The following HDAC9 variants were observed in gnomAD, a reference collection of about 807,000 sequenced individuals.
HDAC9 encodes MEF-2 interacting transcription repressor (MITR) protein.
HDAC9 carries 41 observed loss-of-function variants against 139.4 expected under a neutral mutation model. The ratio of observed to expected loss-of-function variants is 0.29; its 90% CI spans 0.23 to 0.38. The LOEUF (loss-of-function observed/expected upper bound fraction) is 0.38. HDAC9 is among the 10% of genes least tolerant of loss of function. The pLI is 1.00. For missense variants in HDAC9, 1,147 were observed against 1,297.0 expected (o/e 0.88, Z 1.78); for synonymous variants, 517 against 476.2 (o/e 1.09, Z -1.12).
intron 1 of HDAC9, among the ~76,000 whole-genome samples, chr7:18,487,762 C>G (rs557096960): frequency 6.6e-6 from 1 of 152,148 alleles, no homozygotes; most frequent in Admixed American, 6.6e-5. Context: ...TTTTCAGAGG[C>G]TAGCTTTCTA....
intron 1 of HDAC9, among the ~76,000 whole-genome samples, chr7:18,375,341 A>T (rs1198347414): frequency 6.6e-6 from 1 of 152,050 alleles, no homozygotes; most frequent in Non-Finnish European, 1.5e-5. Flanking sequence ...ATGGTGGCAC[A>T]TGCTTGTAAT....
chr7:18,458,196 A>G (rs938629611), intron 1 of HDAC9, among the ~76,000 whole-genome samples: 1 of 152,192 alleles, frequency 6.6e-6, no homozygotes, highest in Non-Finnish European at 1.5e-5. Flanking sequence ...TGGTAATTAA[A>G]TCGTGGATGG....
intron 2 of HDAC9, among the ~76,000 whole-genome samples, chr7:18,203,136 T>G (rs765791137): frequency 1.3e-5 from 2 of 152,152 alleles, no homozygotes; most frequent in Non-Finnish European, 2.9e-5. Context: ...TTAGGAAAAA[T>G]AGACTAAAAA....
chr7:18,328,198 G>C (rs553263667), intron 1 of HDAC9, among the ~76,000 whole-genome samples: 7 of 152,056 alleles, frequency 4.6e-5, no homozygotes, highest in African/African-American at 1.7e-4. Flanking sequence ...TAATCTAAGG[G>C]TGATCACAGG....
chr7:18,434,328 C>A (rs111226743), intron 1 of HDAC9, among the ~76,000 whole-genome samples: 1,885 of 152,330 alleles, frequency 0.012, 37 homozygotes, highest in African/African-American at 0.043. Flanking sequence ...AAATACCATT[C>A]TGGGCATAGG....
chr7:18,548,531 T>A (rs1815984652), intron 2 of HDAC9, among the ~76,000 whole-genome samples: 1 of 152,222 alleles, frequency 6.6e-6, no homozygotes. Flanking sequence ...GTATCTGGTA[T>A]GTAATTAGCT....
chr7:18,563,551 G>T (rs1274851289), intron 2 of HDAC9, among the ~76,000 whole-genome samples: 1 of 151,924 alleles, frequency 6.6e-6, no homozygotes, highest in Non-Finnish European at 1.5e-5. Flanking sequence ...TCCTGTTTCT[G>T]TGATTACACA....
chr7:18,887,876 C>A (rs540602853), intron 22 of HDAC9, among the ~76,000 whole-genome samples: 1 of 152,228 alleles, frequency 6.6e-6, no homozygotes, highest in African/African-American at 2.4e-5. Flanking sequence ...TCCCATGCAA[C>A]GCCAAGATTT....
chr7:18,698,001 A>C (rs549248631), intron 12 of HDAC9, among the ~76,000 whole-genome samples: 3 of 152,142 alleles, frequency 2.0e-5, no homozygotes, highest in Admixed American at 1.3e-4. Flanking sequence ...GTAATGCTAA[A>C]ATTAGACTCA....
intron 7 of HDAC9, among the ~76,000 whole-genome samples, chr7:18,632,343 A>T (rs1330804520): frequency 6.6e-6 from 1 of 152,040 alleles, no homozygotes; most frequent in Non-Finnish European, 1.5e-5. Flanking sequence ...TCTTACATTA[A>T]CCTCACATTC....
intron 22 of HDAC9, among the ~76,000 whole-genome samples, chr7:18,877,360 C>A (rs1465342702): frequency 6.6e-6 from 1 of 152,164 alleles, no homozygotes; most frequent in Non-Finnish European, 1.5e-5. Context: ...ACTGGACTTT[C>A]ACTGTCTTGT....
chr7:18,300,265 C>T (rs900854287), intron 1 of HDAC9, among the ~76,000 whole-genome samples: 43 of 151,842 alleles, frequency 2.8e-4, no homozygotes, highest in Non-Finnish European at 4.4e-4. Context: ...GACAGTTCTT[C>T]CAGTCCGTGG....
chr7:18,430,269 G>T (rs1047999628), intron 1 of HDAC9, among the ~76,000 whole-genome samples: 1 of 152,106 alleles, frequency 6.6e-6, no homozygotes, highest in Admixed American at 6.5e-5. Context: ...TATTGCCCAG[G>T]CTGGAGTGCA....
intron 25 of HDAC9, among the ~76,000 whole-genome samples, chr7:18,991,392 G>A (rs918525410): frequency 1.1e-4 from 17 of 152,214 alleles, no homozygotes; most frequent in African/African-American, 3.9e-4. Context: ...TGTAATCCCA[G>A]TGCTTTGGGA....
intron 14 of HDAC9, among the ~76,000 whole-genome samples, chr7:18,752,789 G>A (rs189142274): frequency 3.9e-5 from 6 of 152,158 alleles, no homozygotes; most frequent in Admixed American, 3.3e-4. Flanking sequence ...CCACATAGTC[G>A]TCTGCCGTCT....
intron 1 of HDAC9, among the ~76,000 whole-genome samples, chr7:18,367,487 A>G (rs866680911): frequency 1.4e-4 from 22 of 152,098 alleles, no homozygotes; most frequent in Admixed American, 3.3e-4. Flanking sequence ...TGTATATATA[A>G]ACTATAATGT....
intron 6 of HDAC9, among the ~76,000 whole-genome samples, chr7:18,617,031 A>G (rs1041456453): frequency 2.0e-5 from 3 of 152,198 alleles, no homozygotes; most frequent in Non-Finnish European, 4.4e-5. Context: ...CAGAAATCTC[A>G]GAACCACACC....
intron 24 of HDAC9, among the ~76,000 whole-genome samples, chr7:18,966,441 G>A (rs1563092144): frequency 6.6e-6 from 1 of 152,144 alleles, no homozygotes; most frequent in Non-Finnish European, 1.5e-5. Context: ...GGTGGCTCAC[G>A]CCTGTAATCC....
intron 1 of HDAC9, among the ~76,000 whole-genome samples, chr7:18,414,267 G>A (rs955425999): frequency 4.6e-5 from 7 of 151,780 alleles, no homozygotes; most frequent in African/African-American, 1.7e-4. Context: ...TTGCAAAGAT[G>A]TCACAATGAT....
Sources: gnomAD v4.1 joint callset for allele counts (sites outside exome capture counted in the v4.1 genomes callset) on GRCh38, gnomAD v4.1.1 for gene constraint, MANE v1.5 for transcripts, NCBI Gene and HGNC (gene_info 2026-07-23, HGNC 2026-07-21) for gene names.